The following ZC3H14 variants were observed in gnomAD, a reference collection of about 807,000 sequenced individuals.
ZC3H14 encodes zinc finger CCCH-type containing 14.
ZC3H14 carries 31 observed loss-of-function variants against 92.4 expected under a neutral mutation model. The observed-to-expected ratio is 0.34, with a 90% confidence interval of 0.25 to 0.45. The LOEUF is 0.45. ZC3H14 is among the 20% of genes least tolerant of loss of function. The pLI is 1.00. For synonymous variants in ZC3H14, 321 were observed against 300.9 expected (o/e 1.07, Z -0.69); for missense variants, 781 against 897.3 (o/e 0.87, Z 1.66).
chr14:88,609,572 G>C, intron 14 of ZC3H14, 140 bp from the exon 15 acceptor site: 1 of 1,359,652 alleles, frequency 7.4e-7, no homozygotes, highest in Non-Finnish European at 1.0e-6. Context: ...GTATTCCGAA[G>C]TATTTTGACT....
At position 88,616,259 on chromosome 14, in the gene ZC3H14, G is replaced by T; in HGVS notation, c.*4508G>T. ...GTGTTTTGCCTAAAAAACAATGACA[G>T]ACAAGCTCAGGGCATTTGGTGCACA... On this transcript the variant is annotated 3_prime_UTR_variant, in exon 17 of 17. Transcript: ENST00000251038. 1 of 1,611,658 alleles carries T rather than the reference G, an allele frequency of 6.2e-7. No homozygotes were observed. The highest frequency in any genetic ancestry group is 8.5e-7 in the Non-Finnish European group (1 of 1,177,896).
At chr14:88,578,688 C>T (rs758916419) in intron 9 of ZC3H14, among the ~76,000 whole-genome samples, 5 of 150,998 alleles carry the variant, frequency 3.3e-5, no homozygotes, top group Non-Finnish European at 7.4e-5. Context: ...TTAAATCTCC[C>T]GTCTCTTAAG....
rs2087000398 is a variant in ZC3H14, at chr14:88,612,905, A to C, written c.*1154A>C. The C allele has an allele frequency of 6.6e-6, 1 of 152,550 alleles. No individual in the cohort carries two copies. Among genetic ancestry groups the C allele is most frequent in the South Asian group, 2.1e-4 (1 of 4,826 alleles). 9.4% of individuals were successfully genotyped at this position (152,550 alleles called of 1,614,324 possible). A position where few individuals can be genotyped will look rare whatever the true frequency, so the allele number is the denominator to read the frequency against. On this transcript the variant is annotated 3_prime_UTR_variant, in exon 17 of 17. Coordinates refer to ENST00000251038, the MANE Select transcript of ZC3H14 (RefSeq NM_024824.5). ...ATAGTGTTAAAAATTAAAGCTTAAA[A>C]GGTGGTTAGAAAAGTGGATTAATGC...
At chr14:88,578,166 C>T (rs1344912189) in intron 9 of ZC3H14, 26 bp downstream of exon 9, 1 of 1,612,056 alleles carries the variant, frequency 6.2e-7, no homozygotes. Flanking sequence ...ATGTTTCACT[C>T]TTTACTACAG....
rs751797561 is a variant in ZC3H14 at position 88,618,631 on chromosome 14, T to G, written c.*6880T>G. 5 of 1,599,274 alleles carry G rather than the reference T, an allele frequency of 3.1e-6. No individual in the cohort carries two copies. In the African/African-American group the frequency reaches 5.4e-5, roughly 17 times the overall value. ...AGCAGAAGAACTTGCCACCTGGGTA[T>G]ACAGTATTGGTACTGTACCTGGAGA... On this transcript the variant is annotated 3_prime_UTR_variant, in exon 17 of 17. Coordinates refer to ENST00000251038, the MANE Select transcript of ZC3H14 (RefSeq NM_024824.5).
Position 88,621,894 on chromosome 14 carries a change from CTT to C in ZC3H14, c.*10144_*10145del, listed in dbSNP as rs1567020219. 1 of 456,452 alleles carries C rather than the reference CTT, an allele frequency of 2.2e-6. No homozygotes were observed. Among genetic ancestry groups the C allele is most frequent in the Admixed American group, 2.4e-5 (1 of 42,536 alleles). 28.3% of individuals were successfully genotyped at this position (456,452 alleles called of 1,614,324 possible). A position where few individuals can be genotyped will look rare whatever the true frequency, so the allele number is the denominator to read the frequency against. ...GTGATGGAAACTTTCAAAATCCTCT[CTT>C]GTAAATACCTGAAAATACATAAATA... On this transcript the variant is annotated 3_prime_UTR_variant, in exon 17 of 17. Coordinates refer to ENST00000251038, the MANE Select transcript of ZC3H14 (RefSeq NM_024824.5).
In ZC3H14 at chr14:88,618,842, A is replaced by G. The variant is rs1368216275; in HGVS notation, c.*7091A>G. 6.5e-7 allele frequency: 1 copy of G among 1,540,912 alleles called. No individual in the cohort carries two copies. Among genetic ancestry groups the G allele is most frequent in the Middle Eastern group, 2.0e-4 (1 of 4,934 alleles). On this transcript the variant is annotated 3_prime_UTR_variant, in exon 17 of 17. Transcript: ENST00000251038. ...ATCAAAACAAAACGTAAAAAGTATT[A>G]GACCACATGAAGTATTATAAATACT...
chr14:88,584,663 T>A (rs1247570577), intron 9 of ZC3H14, among the ~76,000 whole-genome samples: 1 of 152,148 alleles, frequency 6.6e-6, no homozygotes, highest in Non-Finnish European at 1.5e-5. Context: ...GATGCAACCA[T>A]CTCTGCGACA....
intron 1 of ZC3H14, chr14:88,563,405 G>C: frequency 7.0e-7 from 1 of 1,431,262 alleles, no homozygotes; most frequent in South Asian, 1.5e-5. Flanking sequence ...CGCAGGCCCG[G>C]CTGGAGCCAC....
Position 88,609,745 on chromosome 14 carries a change from A to C in ZC3H14, c.2039A>C (p.Gln680Pro). 1.2e-6 allele frequency: 2 copies of C among 1,614,176 alleles called. No homozygotes were observed. Among genetic ancestry groups the C allele is most frequent in the Non-Finnish European group, 1.7e-6 (2 of 1,180,034 alleles). ...VAPPAPPSSS[Q>P]LCRYFPACKK... ...CCACCAGCACCACCTTCCAGTAGTC[A>C]GCTCTGCCGTTACTTCCCTGCTTGT... Residue 680 changes from glutamine to proline, a missense_variant, in exon 15 of 17, where the codon CAG becomes CCG. By Grantham distance (76) the Gln-to-Pro change is moderately conservative. This residue lies in a region of ZC3H14 where 221 missense variants were observed against 304.7 expected (regional missense o/e 0.73). Coordinates refer to ENST00000251038, the MANE Select transcript of ZC3H14 (RefSeq NM_024824.5).
In ZC3H14 at chr14:88,627,168, C is replaced by T; in HGVS notation, c.*15417C>T. ...GGCTTAGAAGAGAGGCCAATGGCCCCTGCTCTACTACCTAGCAATACATGA... is the reference window on the plus strand; with the variant it reads ...GGCTTAGAAGAGAGGCCAATGGCCCTTGCTCTACTACCTAGCAATACATGA... On this transcript the variant is annotated 3_prime_UTR_variant, in exon 17 of 17. Coordinates refer to ENST00000251038, the MANE Select transcript of ZC3H14 (RefSeq NM_024824.5). The T allele has an allele frequency of 1.1e-6, 1 of 876,762 alleles. No individual in the cohort carries two copies. The highest frequency in any genetic ancestry group is 1.6e-5 in the South Asian group (1 of 64,354). The allele number at this position is 876,762 out of a possible 1,614,324, so 54.3% of individuals were successfully genotyped here. A position where few individuals can be genotyped will look rare whatever the true frequency, so the allele number is the denominator to read the frequency against.
intron 9 of ZC3H14, chr14:88,589,910 A>G (rs1421506672): frequency 1.3e-5 from 2 of 152,682 alleles, no homozygotes; most frequent in Admixed American, 1.3e-4. Flanking sequence ...CGGGTGGATC[A>G]TATGAGGCTA....
At chr14:88,578,781 G>GTTTTTTTTTTTTTTTT (rs35101368) in intron 9 of ZC3H14, among the ~76,000 whole-genome samples, 6 of 76,816 alleles carry the variant, frequency 7.8e-5, no homozygotes, top group African/African-American at 2.1e-4. Flanking sequence ...TTGCTTCCAG[G>GTTTTTTTTTTTTTTTT]TTTTTTTTTT....
chr14:88,565,871 C>A (rs1025216382), intron 2 of ZC3H14, among the ~76,000 whole-genome samples: 1 of 151,354 alleles, frequency 6.6e-6, no homozygotes, highest in Non-Finnish European at 1.5e-5. Context: ...GTAAATTTTT[C>A]TTTTTCTTTT....
In ZC3H14 at chr14:88,616,853, A is replaced by G. The variant is rs1190212386; in HGVS notation, c.*5102A>G. 1.2e-6 allele frequency: 2 copies of G among 1,613,762 alleles called. No homozygotes were observed. On this transcript the variant is annotated 3_prime_UTR_variant, in exon 17 of 17. Transcript: ENST00000251038. ...AGCTTTCTCAGCATGTCTGGACCAG[A>G]TTCCCAAAACCTCATCTCCTAGAAT...
At chr14:88,609,847 C>G (rs761882511) in intron 15 of ZC3H14, 44 bp downstream of exon 15, 31 of 1,576,900 alleles carry the variant, frequency 2.0e-5, no homozygotes, top group Non-Finnish European at 2.7e-5. Flanking sequence ...GACAACATCT[C>G]AATTTCCTCA....
Position 88,577,883 on chromosome 14 carries a change from C to T in ZC3H14, c.1124-102C>T, listed in dbSNP as rs528078341. 98 of 1,507,084 alleles carry T rather than the reference C, an allele frequency of 6.5e-5. 1 individual carries two copies. The South Asian group carries it at 1.0e-3, about 16-fold the overall frequency. The allele number at this position is 1,507,084 out of a possible 1,614,324, so 93.4% of individuals were successfully genotyped here. ...TGCGCCCAGCCTGAACTCATATGTC[C>T]TAAACCAAAGGAGGCATTTATATTT... On this transcript the variant is annotated intron_variant, in intron 8 of 16. Coordinates refer to ENST00000251038, the MANE Select transcript of ZC3H14 (RefSeq NM_024824.5).
At chr14:88,599,467 A>G (rs1304579847) in intron 10 of ZC3H14, among the ~76,000 whole-genome samples, 1 of 150,372 alleles carries the variant, frequency 6.7e-6, no homozygotes, top group Non-Finnish European at 1.5e-5. Context: ...AGAAGATGTT[A>G]CTTACTCCCC....
chr14:88,585,966 C>T (rs1045040996), intron 9 of ZC3H14, among the ~76,000 whole-genome samples: 6 of 151,956 alleles, frequency 3.9e-5, no homozygotes, highest in South Asian at 2.1e-4. Flanking sequence ...GTCAGGAGTT[C>T]GAGACCAGCC....
Sources: allele counts gnomAD v4.1 joint callset (sites outside exome capture counted in the v4.1 genomes callset), GRCh38; gene constraint gnomAD v4.1.1; regional missense constraint gnomAD v4.1.1; transcripts MANE v1.5; gene names NCBI Gene and HGNC (gene_info 2026-07-23, HGNC 2026-07-21).